NRG2: variants seen among roughly 807,000 people sequenced by gnomAD.
The protein encoded by NRG2 is pro-neuregulin-2, membrane-bound isoform.
Under a neutral mutation model 73.9 loss-of-function variants are expected in NRG2, and 27 were observed. The observed-to-expected ratio is 0.37, with a 90% confidence interval of 0.27 to 0.50. The LOEUF (loss-of-function observed/expected upper bound fraction) is 0.50. Ranked by LOEUF, NRG2 falls within the 20% of genes least tolerant of loss-of-function variation. NRG2 has a pLI of 0.96. For synonymous variants in NRG2, 532 were observed against 541.0 expected (o/e 0.98, Z 0.23); for missense variants, 1,126 against 1,210.1 (o/e 0.93, Z 1.03).
chr5:139,871,122 G>A (rs535845529), intron 4 of NRG2: 1 of 153,772 alleles, frequency 6.5e-6, no homozygotes, highest in South Asian at 2.1e-4. Context: ...GCAGCACCCA[G>A]GGATGGCATC....
intron 1 of NRG2, among the ~76,000 whole-genome samples, chr5:139,906,205 A>C (rs909359567): frequency 6.6e-6 from 1 of 151,696 alleles, no homozygotes; most frequent in African/African-American, 2.4e-5. Context: ...ACGGTGTTTC[A>C]CCATGTTGGT....
chr5:139,956,482 T>A (rs894948084), intron 1 of NRG2, among the ~76,000 whole-genome samples: 2 of 152,092 alleles, frequency 1.3e-5, no homozygotes, highest in Admixed American at 1.3e-4. Flanking sequence ...GAGGGAAGGA[T>A]CAAGCTGTTG....
intron 1 of NRG2, among the ~76,000 whole-genome samples, chr5:139,906,944 A>G (rs1360840210): frequency 1.3e-5 from 2 of 152,136 alleles, no homozygotes; most frequent in Admixed American, 6.6e-5. Context: ...CTGAAGCAAG[A>G]AGGAGCTTTT....
At chr5:139,898,147 G>A (rs993713972) in intron 1 of NRG2, among the ~76,000 whole-genome samples, 5 of 152,272 alleles carry the variant, frequency 3.3e-5, no homozygotes, top group African/African-American at 1.2e-4. Context: ...TGGGGACCAG[G>A]GAGGCCCTGT....
chr5:139,886,859 G>C (rs1279187869), intron 2 of NRG2, among the ~76,000 whole-genome samples: 3 of 152,214 alleles, frequency 2.0e-5, no homozygotes, highest in Non-Finnish European at 2.9e-5. Flanking sequence ...ACCAATCAAA[G>C]TGTTGCTCCC....
At chr5:140,020,949 C>T (rs909022733) in intron 1 of NRG2, among the ~76,000 whole-genome samples, 2 of 152,130 alleles carry the variant, frequency 1.3e-5, no homozygotes, top group African/African-American at 4.8e-5. Context: ...ATACTCTATC[C>T]CGTGTCTCAA....
rs769357524 is a variant in NRG2, at chr5:139,880,849, C to T, written c.991+7G>A. On this transcript the variant is annotated splice_region_variant and intron_variant, in intron 3 of 9. Transcript: ENST00000361474. ...TAGGACCCTTCCCTCTGTCTGGGCC[C>T]ACCTACCGCTGTTGACGTAAAGCCG... The T allele has an allele frequency of 6.2e-7, 1 of 1,612,588 alleles. No individual in the cohort carries two copies. The highest frequency in any genetic ancestry group is 1.1e-5 in the South Asian group (1 of 91,022).
intron 9 of NRG2, among the ~76,000 whole-genome samples, chr5:139,850,053 C>T (rs116165021): frequency 2.6e-5 from 4 of 152,340 alleles, no homozygotes; most frequent in Non-Finnish European, 5.9e-5. Context: ...TCTGTTGGAA[C>T]AGCTCAAGTT....
At chr5:139,880,611 T>A (rs1252345834) in intron 3 of NRG2, among the ~76,000 whole-genome samples, 3 of 151,830 alleles carry the variant, frequency 2.0e-5, no homozygotes, top group African/African-American at 7.3e-5. Context: ...TTTCAAAATA[T>A]TTAGTTTTCA....
chr5:139,849,506 A>G (rs941560070), intron 9 of NRG2, among the ~76,000 whole-genome samples: 2 of 151,972 alleles, frequency 1.3e-5, no homozygotes, highest in African/African-American at 4.8e-5. Flanking sequence ...GGCCTTGCTA[A>G]TATCTCCCAG....
chr5:139,941,149 G>A (rs1753368194), intron 1 of NRG2, among the ~76,000 whole-genome samples: 2 of 152,148 alleles, frequency 1.3e-5, no homozygotes, highest in Admixed American at 1.3e-4. Flanking sequence ...GATGGGGGCT[G>A]GGTTTTCATC....
chr5:139,898,344 T>C (rs375811726), intron 1 of NRG2, among the ~76,000 whole-genome samples: 2 of 152,232 alleles, frequency 1.3e-5, no homozygotes, highest in Non-Finnish European at 2.9e-5. Context: ...CTGCAGTGGC[T>C]GGTTTAGGGG....
At chr5:139,970,794 C>A (rs186502491) in intron 1 of NRG2, among the ~76,000 whole-genome samples, 4 of 152,288 alleles carry the variant, frequency 2.6e-5, no homozygotes, top group African/African-American at 9.6e-5. Flanking sequence ...TGCTAAAAAT[C>A]AGACAGAAAA....
At chr5:140,031,408 A>C (rs1219467837) in intron 1 of NRG2, among the ~76,000 whole-genome samples, 1 of 152,158 alleles carries the variant, frequency 6.6e-6, no homozygotes, top group Non-Finnish European at 1.5e-5. Context: ...GAAACTCTTC[A>C]CTTATGGGCC....
At chr5:139,918,204 A>G (rs1751410050) in intron 1 of NRG2, among the ~76,000 whole-genome samples, 1 of 152,200 alleles carries the variant, frequency 6.6e-6, no homozygotes, top group Non-Finnish European at 1.5e-5. Flanking sequence ...TCTGGGAACC[A>G]CTGAGTTAGA....
In NRG2 at chr5:139,887,195, G is replaced by C. The variant is rs910292557; in HGVS notation, c.872+145C>G. The C allele has an allele frequency of 1.4e-5, 13 of 931,058 alleles. No homozygotes were observed. Among genetic ancestry groups the C allele is most frequent in the Middle Eastern group, 3.5e-4 (1 of 2,878 alleles). 57.7% of individuals were successfully genotyped at this position (931,058 alleles called of 1,614,324 possible). A position where few individuals can be genotyped will look rare whatever the true frequency, so the allele number is the denominator to read the frequency against. ...GCAGGAAGAAGGCTGGGAGTGGCAA[G>C]GAAGGGGAGTATGGAGAGGGGCTGG... On this transcript the variant is annotated intron_variant, in intron 2 of 9. Transcript: ENST00000361474. This position sits in a 1 kb window ranked among gnomAD's most constrained non-coding sequence, Gnocchi z 4.5.
At chr5:139,918,231 G>C (rs141708642) in intron 1 of NRG2, among the ~76,000 whole-genome samples, 1 of 152,080 alleles carries the variant, frequency 6.6e-6, no homozygotes, top group Non-Finnish European at 1.5e-5. Context: ...AACTAGGCTC[G>C]GATAGAACTA....
chr5:139,941,654 T>C (rs1753410275), intron 1 of NRG2, among the ~76,000 whole-genome samples: 1 of 152,230 alleles, frequency 6.6e-6, no homozygotes, highest in Non-Finnish European at 1.5e-5. Context: ...TGTCATTACA[T>C]TGCAGGTTAA....
intron 1 of NRG2, among the ~76,000 whole-genome samples, chr5:139,974,496 A>C (rs2126541161): frequency 6.6e-6 from 1 of 152,358 alleles, no homozygotes; most frequent in East Asian, 1.9e-4. Flanking sequence ...CGTGATTGTG[A>C]GGATGATGAG....
Sources: gnomAD v4.1 joint callset for allele counts (sites outside exome capture counted in the v4.1 genomes callset) on GRCh38, gnomAD v4.1.1 for gene constraint, Gnocchi (gnomAD v3.1) non-coding constraint, MANE v1.5 for transcripts, NCBI Gene and HGNC (gene_info 2026-07-23, HGNC 2026-07-21) for gene names.